Variants in SMCHD1 observed in about 807,000 individuals in gnomAD.
SMCHD1 encodes structural maintenance of chromosomes flexible hinge domain-containing protein 1.
Under a neutral mutation model 254.7 loss-of-function variants are expected in SMCHD1, and 78 were observed. The ratio of observed to expected loss-of-function variants is 0.31; its 90% CI spans 0.26 to 0.37. The LOEUF (loss-of-function observed/expected upper bound fraction) is 0.37, where lower values mean the gene tolerates loss of function less well. Among genes scored for constraint, SMCHD1 ranks in the 10% least tolerant of loss-of-function variants. The pLI, the probability that SMCHD1 is intolerant of heterozygous loss-of-function variation, is 1.00. For missense variants in SMCHD1, 1,840 were observed against 2,408.1 expected (o/e 0.76, Z 4.94); for synonymous variants, 766 against 794.9 (o/e 0.96, Z 0.61).
chr18:2,774,769 G>A (rs1254869172), intron 41 of SMCHD1, among the ~76,000 whole-genome samples: 3 of 152,158 alleles, frequency 2.0e-5, no homozygotes, highest in Non-Finnish European at 4.4e-5. Flanking sequence ...TGTGCTACCA[G>A]ATCAAGTAAG....
chr18:2,768,688 C>G (rs12232762), intron 37 of SMCHD1, among the ~76,000 whole-genome samples: 3,985 of 125,370 alleles, frequency 0.032, 111 homozygotes, highest in South Asian at 0.043. Context: ...TACTATACTA[C>G]TAGTATAGTA....
intron 47 of SMCHD1, among the ~76,000 whole-genome samples, chr18:2,797,208 G>C (rs758964285): frequency 2.0e-5 from 3 of 152,008 alleles, no homozygotes; most frequent in Non-Finnish European, 2.9e-5. Flanking sequence ...ATAATTTTTG[G>C]TTTGGAGAAT....
intron 28 of SMCHD1, among the ~76,000 whole-genome samples, chr18:2,741,207 A>T (rs749681576): frequency 6.6e-6 from 1 of 152,212 alleles, no homozygotes; most frequent in Non-Finnish European, 1.5e-5. Flanking sequence ...AAAAATCATT[A>T]TAAAGGTTTG....
At chr18:2,771,972 G>C (rs570566082) in intron 40 of SMCHD1, among the ~76,000 whole-genome samples, 1 of 152,240 alleles carries the variant, frequency 6.6e-6, no homozygotes, top group South Asian at 2.1e-4. Flanking sequence ...GTGTAACTCA[G>C]TTTCAAGAGA....
chr18:2,749,891 A>G (rs2075539199), intron 30 of SMCHD1, among the ~76,000 whole-genome samples, 152 bp from the exon 31 acceptor site: 1 of 152,182 alleles, frequency 6.6e-6, no homozygotes, highest in Non-Finnish European at 1.5e-5. Flanking sequence ...CATTATTCCA[A>G]CTAGTTCAGA....
intron 28 of SMCHD1, among the ~76,000 whole-genome samples, 189 bp from the exon 29 acceptor site, chr18:2,743,572 A>T (rs991544085): frequency 2.0e-5 from 3 of 152,152 alleles, no homozygotes; most frequent in African/African-American, 7.2e-5. Flanking sequence ...TGAAAGAAAA[A>T]ATTCAGTTTC....
chr18:2,671,196 A>G (rs1278837573), intron 3 of SMCHD1, among the ~76,000 whole-genome samples: 1 of 152,108 alleles, frequency 6.6e-6, no homozygotes, highest in Non-Finnish European at 1.5e-5. Flanking sequence ...TCGACCTCCC[A>G]AAGTGCTGGG....
At chr18:2,717,695 A>G (rs570076695) in intron 17 of SMCHD1, among the ~76,000 whole-genome samples, 1 of 152,138 alleles carries the variant, frequency 6.6e-6, no homozygotes, top group South Asian at 2.1e-4. Flanking sequence ...ACTGTTTCCA[A>G]GTGGGTAAGG....
chr18:2,694,769 A>C, intron 8 of SMCHD1, 76 bp downstream of exon 8: 2 of 1,279,090 alleles, frequency 1.6e-6, no homozygotes, highest in Non-Finnish European at 2.2e-6. Flanking sequence ...GATATATTGA[A>C]GCCTCTTTGG....
chr18:2,662,200 TAAAGAAAGAAAGAAAGAAAGAAAG>T (rs142598745), intron 1 of SMCHD1, among the ~76,000 whole-genome samples: 48 of 106,616 alleles, frequency 4.5e-4, no homozygotes, highest in Admixed American at 1.7e-3. Context: ...AATAAATAAA[TAAAGAAAGAAAGAAAGAAAGAAAG>T]AAAAAATAAT....
intron 45 of SMCHD1, among the ~76,000 whole-genome samples, chr18:2,789,736 A>G (rs1346344790): frequency 6.6e-6 from 1 of 152,252 alleles, no homozygotes; most frequent in African/African-American, 2.4e-5. Context: ...TGATGGGTTT[A>G]TTGGGACATA....
chr18:2,679,424 C>T lies in SMCHD1; in HGVS notation c.638+5279C>T, dbSNP rs1459494948. On this transcript the variant is annotated intron_variant, in intron 5 of 47. Coordinates refer to ENST00000320876, the MANE Select transcript of SMCHD1 (RefSeq NM_015295.3). ...CCGGGATGCGGAGCTTGCAGTGAGC[C>T]GAGATGGTGCCACTGCACTCCATCC... Among the ~76,000 whole-genome samples the T allele has an allele frequency of 3.8e-5, 5 of 131,764 alleles. No homozygotes were observed. The South Asian group carries it at 1.3e-3, about 34-fold the overall frequency. 86.4% of individuals were successfully genotyped at this position (131,764 alleles called of 152,430 possible).
At position 2,668,737 on chromosome 18, in the gene SMCHD1, G is replaced by A. The variant is rs546252397; in HGVS notation, c.424+1706G>A. 2.6e-5 allele frequency among the ~76,000 whole-genome samples: 4 copies of A among 152,146 alleles called. No homozygotes were observed. In the East Asian group the frequency reaches 5.8e-4, roughly 22 times the overall value. On this transcript the variant is annotated intron_variant, in intron 3 of 47. Coordinates refer to ENST00000320876, the MANE Select transcript of SMCHD1 (RefSeq NM_015295.3). ...CCATTGTTTCTTACTCTGACCAGAC[G>A]TTTTCGCCTACCACTCTACTGTACC...
chr18:2,752,276 T>C (rs1214890756), intron 33 of SMCHD1, among the ~76,000 whole-genome samples: 1 of 152,218 alleles, frequency 6.6e-6, no homozygotes, highest in African/African-American at 2.4e-5. Context: ...TGTGTGTCTT[T>C]TAATAATGGG....
At chr18:2,781,533 GTTAATA>G (rs1262323083) in intron 44 of SMCHD1, among the ~76,000 whole-genome samples, 1 of 151,998 alleles carries the variant, frequency 6.6e-6, no homozygotes, top group Admixed American at 6.5e-5. Context: ...TTTTTAAAGT[GTTAATA>G]TTTGATTAAT....
At chr18:2,743,646 A>G (rs2075392729) in intron 28 of SMCHD1, 115 bp from the exon 29 acceptor site, 2 of 596,300 alleles carry the variant, frequency 3.4e-6, no homozygotes, top group Admixed American at 7.6e-5. Context: ...ATTTTCTGTC[A>G]TGTTACCAAG....
chr18:2,700,872 A>C lies in SMCHD1; in HGVS notation c.1601A>C (p.Lys534Thr). The change falls in exon 12 of 48, where the codon AAA (lysine) becomes ACA (threonine). Residue 534 changes from lysine (K) to threonine (T), a missense_variant. This residue lies in a region of SMCHD1 where 498 missense variants were observed against 743.5 expected (regional missense o/e 0.67). Coordinates refer to ENST00000320876, the MANE Select transcript of SMCHD1 (RefSeq NM_015295.3). ...NKLTFMDLEL[K>T]LKDKNTLFTR... ...TTGACGTTTATGGATCTTGAGCTAA[A>C]ATTGAAAGATAAGAACACCCTTTTT... 6.2e-7 allele frequency: 1 copy of C among 1,611,896 alleles called. No homozygotes were observed. Among genetic ancestry groups the C allele is most frequent in the Non-Finnish European group, 8.5e-7 (1 of 1,179,020 alleles).
rs1409746539 is a variant in SMCHD1 at position 2,688,406 on chromosome 18, A to C, written c.651A>C (p.Gly217=). The change falls in exon 6 of 48, where the codon GGA becomes GGC. Residue 217 remains glycine, a synonymous_variant. Coordinates refer to ENST00000320876, the MANE Select transcript of SMCHD1 (RefSeq NM_015295.3). ...TGTTTTATTTTAGTGATCATTCAGG[A>C]TATGTTCGTCCAGTACCAGTGCCAC... ...RQGDFESDHS[G]YVRPVPVPRS... The C allele has an allele frequency of 6.2e-7, 1 of 1,611,470 alleles. No homozygotes were observed. Among genetic ancestry groups the C allele is most frequent in the African/African-American group, 1.3e-5 (1 of 74,996 alleles).
intron 5 of SMCHD1, among the ~76,000 whole-genome samples, chr18:2,678,895 CTGGAGTG>C (rs1314998249): frequency 6.8e-6 from 1 of 147,908 alleles, no homozygotes; most frequent in Non-Finnish European, 1.5e-5. Context: ...GTAGCCCAGG[CTGGAGTG>C]TGTAGTGCAA....
Sources: allele counts gnomAD v4.1 joint callset (sites outside exome capture counted in the v4.1 genomes callset), GRCh38; gene constraint gnomAD v4.1.1; regional missense constraint gnomAD v4.1.1; transcripts MANE v1.5; gene names NCBI Gene and HGNC (gene_info 2026-07-23, HGNC 2026-07-21).